The following CATSPERB variants were observed in gnomAD, a reference collection of about 807,000 sequenced individuals.
The protein encoded by CATSPERB is cation channel sperm-associated auxiliary subunit beta.
CATSPERB carries 93 observed loss-of-function variants against 128.3 expected under a neutral mutation model. That is an observed-to-expected ratio of 0.72 (90% CI 0.61 to 0.86). The LOEUF is 0.86. Ranked by LOEUF, CATSPERB falls within the 40% of genes least tolerant of loss-of-function variation. The pLI, the probability that CATSPERB is intolerant of heterozygous loss-of-function variation, is 0.00. For synonymous variants in CATSPERB, 381 were observed against 448.8 expected, an observed-to-expected ratio of 0.85 and a Z score of 1.91; for missense variants, 1,153 against 1,329.5, an observed-to-expected ratio of 0.87 and a Z score of 2.06.
intron 15 of CATSPERB, among the ~76,000 whole-genome samples, chr14:91,644,249 T>C (rs199743818): frequency 0.71 from 60,490 of 85,052 alleles, 22,330 homozygotes; most frequent in East Asian, 0.88. Context: ...TTGATCCTGT[T>C]ATTATGATGT....
intron 22 of CATSPERB, among the ~76,000 whole-genome samples, chr14:91,607,092 G>T (rs892935145): frequency 8.6e-6 from 1 of 116,360 alleles, no homozygotes; most frequent in Non-Finnish European, 1.8e-5. Flanking sequence ...GGCGGGGGGG[G>T]GGGGGGCGGT....
At chr14:91,696,106 G>C (rs1895557489) in intron 7 of CATSPERB, among the ~76,000 whole-genome samples, 1 of 152,158 alleles carries the variant, frequency 6.6e-6, no homozygotes, top group Non-Finnish European at 1.5e-5. Context: ...GAGTAGTTTT[G>C]TTTCAAAGGA....
intron 15 of CATSPERB, among the ~76,000 whole-genome samples, chr14:91,652,654 G>C (rs1408987610): frequency 9.2e-6 from 1 of 108,992 alleles, no homozygotes; most frequent in African/African-American, 3.6e-5. Context: ...CTGAGCAACA[G>C]AGCAAGACTC....
At chr14:91,659,785 T>C in intron 15 of CATSPERB, 52 bp downstream of exon 15, 1 of 1,555,550 alleles carries the variant, frequency 6.4e-7, no homozygotes, top group South Asian at 1.2e-5. Flanking sequence ...TCATATATCT[T>C]CTAATCCTGG....
At chr14:91,628,641 G>T (rs1429588173) in intron 17 of CATSPERB, among the ~76,000 whole-genome samples, 2 of 152,092 alleles carry the variant, frequency 1.3e-5, no homozygotes, top group Non-Finnish European at 2.9e-5. Context: ...TTCTCCTGCC[G>T]CCATGTAAGA....
intron 15 of CATSPERB, among the ~76,000 whole-genome samples, chr14:91,650,930 A>G (rs1286378719): frequency 2.6e-5 from 4 of 152,062 alleles, no homozygotes; most frequent in African/African-American, 7.2e-5. Flanking sequence ...TTAATATTCT[A>G]TAATTTTTAT....
intron 2 of CATSPERB, among the ~76,000 whole-genome samples, chr14:91,726,074 G>A (rs1369502589): frequency 2.0e-5 from 3 of 152,158 alleles, no homozygotes; most frequent in Admixed American, 6.5e-5. Flanking sequence ...CCCCTTCTAG[G>A]TAGCCATCTG....
chr14:91,649,631 G>C (rs1439019358), intron 15 of CATSPERB, among the ~76,000 whole-genome samples: 1 of 143,328 alleles, frequency 7.0e-6, no homozygotes, highest in East Asian at 2.1e-4. Flanking sequence ...CAAGTAGCTG[G>C]GATTACAGAC....
intron 6 of CATSPERB, among the ~76,000 whole-genome samples, chr14:91,707,083 T>C (rs969495629): frequency 2.0e-5 from 3 of 152,226 alleles, no homozygotes; most frequent in Non-Finnish European, 4.4e-5. Context: ...AATACCCCAA[T>C]GGCTTTAAGT....
At chr14:91,672,846 C>T (rs764271783) in intron 13 of CATSPERB, 21 bp downstream of exon 13, 4 of 1,501,262 alleles carry the variant, frequency 2.7e-6, no homozygotes, top group Non-Finnish European at 2.7e-6. Flanking sequence ...AGATAAATTC[C>T]CTCTGGGATA....
At chr14:91,582,907 G>C (rs1267804093) in intron 26 of CATSPERB, among the ~76,000 whole-genome samples, 1 of 152,212 alleles carries the variant, frequency 6.6e-6, no homozygotes, top group African/African-American at 2.4e-5. Context: ...CTACAACATA[G>C]TTGGGACAAG....
intron 10 of CATSPERB, among the ~76,000 whole-genome samples, chr14:91,689,516 T>C (rs1452810510): frequency 6.6e-6 from 1 of 152,150 alleles, no homozygotes; most frequent in Non-Finnish European, 1.5e-5. Flanking sequence ...TTTTGTGTGA[T>C]TCTTCTTTAG....
chr14:91,584,133 A>C (rs1893255726), intron 26 of CATSPERB, among the ~76,000 whole-genome samples: 1 of 151,794 alleles, frequency 6.6e-6, no homozygotes, highest in Non-Finnish European at 1.5e-5. Context: ...CAGTGGTGCG[A>C]TCTTGGCTCA....
At chr14:91,603,130 T>C (rs1893635808) in intron 22 of CATSPERB, 5 of 786,070 alleles carry the variant, frequency 6.4e-6, no homozygotes, top group Admixed American at 3.4e-5. Flanking sequence ...TCCAATCTGG[T>C]ATCCACTCTT....
At chr14:91,629,039 CTT>C (rs1302674134) in intron 17 of CATSPERB, among the ~76,000 whole-genome samples, 1 of 152,168 alleles carries the variant, frequency 6.6e-6, no homozygotes, top group Non-Finnish European at 1.5e-5. Flanking sequence ...GAGTCGAAAA[CTT>C]ATATCTATAC....
At chr14:91,634,835 GGTATAA>G (rs1453033989) in intron 17 of CATSPERB, among the ~76,000 whole-genome samples, 1 of 149,558 alleles carries the variant, frequency 6.7e-6, no homozygotes, top group Admixed American at 6.7e-5. Flanking sequence ...ATTCCAACCT[GGTATAA>G]GAATAGAGTC....
At chr14:91,661,826 A>G (rs1193649339) in intron 14 of CATSPERB, among the ~76,000 whole-genome samples, 1 of 152,154 alleles carries the variant, frequency 6.6e-6, no homozygotes, top group South Asian at 2.1e-4. Flanking sequence ...ATCTAGCCAC[A>G]TTTCTACAAC....
At chr14:91,683,737 C>T in intron 11 of CATSPERB, 140 bp downstream of exon 11, 1 of 549,874 alleles carries the variant, frequency 1.8e-6, no homozygotes. Context: ...ATGCCTCCCA[C>T]CCCAAGTGCC....
intron 4 of CATSPERB, among the ~76,000 whole-genome samples, chr14:91,720,124 G>C (rs983250156): frequency 6.6e-6 from 1 of 151,988 alleles, no homozygotes; most frequent in South Asian, 2.1e-4. Flanking sequence ...AAGAAGCCCA[G>C]GGAACCTTAC....
Sources: allele counts gnomAD v4.1 joint callset (sites outside exome capture counted in the v4.1 genomes callset), GRCh38; gene constraint gnomAD v4.1.1; transcripts MANE v1.5; gene names NCBI Gene and HGNC (gene_info 2026-07-23, HGNC 2026-07-21).